Variants in SLC12A5 observed in about 807,000 individuals in gnomAD.
The protein encoded by SLC12A5 is K-Cl cotransporter 2.
Under a neutral mutation model 124.0 loss-of-function variants are expected in SLC12A5, and 18 were observed. That is an observed-to-expected ratio of 0.15 (90% CI 0.10 to 0.22). The LOEUF (loss-of-function observed/expected upper bound fraction) is 0.22, where lower values mean the gene tolerates loss of function less well. Among genes scored for constraint, SLC12A5 ranks in the 10% least tolerant of loss-of-function variants. SLC12A5 has a pLI of 1.00. For synonymous variants in SLC12A5, 589 were observed against 568.0 expected (o/e 1.04, Z -0.53); for missense variants, 867 against 1,478.7 (o/e 0.59, Z 6.78).
At chr20:46,025,027 G>A (rs11086991), upstream of SLC12A5, among the ~76,000 whole-genome samples, 8,542 of 152,242 alleles carry the variant, frequency 0.056, 765 homozygotes, top group African/African-American at 0.19. Context: ...AGACCACAAT[G>A]TAGCCCATCT....
Position 46,041,531 on chromosome 20 carries a change from C to T in SLC12A5, c.1057C>T (p.Leu353Phe). The change falls in exon 8 of 26, where the codon CTC becomes TTC. Residue 353 changes from leucine (L) to phenylalanine (F), a missense_variant. Coordinates refer to ENST00000243964, the MANE Select transcript of SLC12A5 (RefSeq NM_020708.5). ...IQGIPGAASG[L>F]IKENLWSSYL... ...GGGCATCCCTGGTGCTGCCAGTGGC[C>T]TCATCAAAGGTCTGCGGAGGGACAA... 1 of 1,613,830 alleles carries T rather than the reference C, an allele frequency of 6.2e-7. No homozygotes were observed. The highest frequency in any genetic ancestry group is 8.5e-7 in the Non-Finnish European group (1 of 1,179,948).
At chr20:46,024,141 CTGTGTGTGTG>C (rs3222615), downstream of SLC12A5, among the ~76,000 whole-genome samples, 88 of 147,746 alleles carry the variant, frequency 6.0e-4, no homozygotes, top group Non-Finnish European at 1.2e-3. Flanking sequence ...GTGGCAGAGG[CTGTGTGTGTG>C]TGTGTGTGTG....
chr20:46,059,247 A>C lies in SLC12A5; in HGVS notation c.*1642A>C. The C allele has an allele frequency of 3.6e-6, 1 of 274,408 alleles. No individual in the cohort carries two copies. The highest frequency in any genetic ancestry group is 2.2e-5 in the African/African-American group (1 of 46,060). 17.0% of individuals were successfully genotyped at this position (274,408 alleles called of 1,614,324 possible). A position where few individuals can be genotyped will look rare whatever the true frequency, so the allele number is the denominator to read the frequency against. Reference sequence around the variant, plus strand: ...GCACCTCCCAGAGCTGGCGCCACTGAGTAATCCGGACCTCACCACCTCTTT... The same window carrying C: ...GCACCTCCCAGAGCTGGCGCCACTGCGTAATCCGGACCTCACCACCTCTTT... On this transcript the variant is annotated 3_prime_UTR_variant, in exon 26 of 26. Coordinates refer to ENST00000243964, the MANE Select transcript of SLC12A5 (RefSeq NM_020708.5).
In SLC12A5 at chr20:46,053,437, C is replaced by T. The variant is rs1233459588; in HGVS notation, c.2548-141C>T. ...AGGGAAGGTTTTGTAGAGAGTGGCC[C>T]CAAAGACAGAGGATTTGGGGTCTGC... On this transcript the variant is annotated intron_variant, in intron 19 of 25. Transcript: ENST00000243964. The surrounding 1 kb of genome is among the most constrained non-coding windows in gnomAD (Gnocchi z 4.7). The T allele has an allele frequency of 2.5e-6, 3 of 1,215,814 alleles. No individual in the cohort carries two copies. Among genetic ancestry groups the T allele is most frequent in the Non-Finnish European group, 3.5e-6 (3 of 864,446 alleles). 75.3% of individuals were successfully genotyped at this position (1,215,814 alleles called of 1,614,324 possible).
intron 1 of SLC12A5, among the ~76,000 whole-genome samples, chr20:46,033,074 T>G (rs1008252496): frequency 1.3e-5 from 2 of 152,034 alleles, no homozygotes; most frequent in African/African-American, 4.8e-5. Flanking sequence ...GACTGGGTGG[T>G]GGGTTTCTTT....
In SLC12A5 at chr20:46,045,219, G is replaced by A. The variant is rs2084584343; in HGVS notation, c.1569+79G>A. 1.4e-6 allele frequency: 2 copies of A among 1,464,514 alleles called. No homozygotes were observed. The highest frequency in any genetic ancestry group is 1.4e-5 in the African/African-American group (1 of 70,954). 90.7% of individuals were successfully genotyped at this position (1,464,514 alleles called of 1,614,324 possible). ...CAGAGAGACCACACAGTGACCCAGGGCCATAACCAGCCTTAGACTACCTCC... is the reference window on the plus strand; with the variant it reads ...CAGAGAGACCACACAGTGACCCAGGACCATAACCAGCCTTAGACTACCTCC... On this transcript the variant is annotated intron_variant, in intron 12 of 25. Coordinates refer to ENST00000243964, the MANE Select transcript of SLC12A5 (RefSeq NM_020708.5). This position sits in a 1 kb window ranked among gnomAD's most constrained non-coding sequence, Gnocchi z 4.9.
intron 1 of SLC12A5, chr20:46,022,846 C>G: frequency 2.5e-6 from 1 of 399,216 alleles, no homozygotes; most frequent in Non-Finnish European, 4.4e-6. Context: ...TGCACAGTCT[C>G]CCCTCAGGGG....
chr20:46,039,305 A>G (rs945980611), intron 6 of SLC12A5, among the ~76,000 whole-genome samples: 4 of 152,242 alleles, frequency 2.6e-5, no homozygotes, highest in Admixed American at 2.6e-4. Context: ...TTCAGGGAAA[A>G]CTACTGACAA....
At chr20:46,026,375 A>C (rs898963040), upstream of SLC12A5, among the ~76,000 whole-genome samples, 1 of 152,168 alleles carries the variant, frequency 6.6e-6, no homozygotes, top group Non-Finnish European at 1.5e-5. Flanking sequence ...GGGATGCTGT[A>C]CTGGCAGCCA....
intron 4 of SLC12A5, 34 bp downstream of exon 4, chr20:46,035,957 C>G (rs760650879): frequency 6.3e-7 from 1 of 1,586,300 alleles, no homozygotes; most frequent in Non-Finnish European, 8.6e-7. Context: ...CACCCCCTGA[C>G]AGCTGGGGCT....
chr20:46,027,026 A>G (rs1012416836), upstream of SLC12A5, among the ~76,000 whole-genome samples: 27 of 152,356 alleles, frequency 1.8e-4, no homozygotes, highest in African/African-American at 6.5e-4. Context: ...TTCATTCTAC[A>G]GCACTTCTCT....
At chr20:46,040,296 C>T in intron 6 of SLC12A5, 77 bp from the exon 7 acceptor site, 1 of 1,577,430 alleles carries the variant, frequency 6.3e-7, no homozygotes, top group South Asian at 1.2e-5. Context: ...TGATGAGCAT[C>T]TTTTTTCCTA....
Position 46,051,657 on chromosome 20 carries a change from CT to C in SLC12A5, c.2182-14del. Reference sequence around the variant, plus strand: ...AGGGAGGCCTGAGGCTGGTCCTTGTCTTTTCCCCCTCCCCTAGTCTATCAGG... The same window carrying C: ...AGGGAGGCCTGAGGCTGGTCCTTGTCTTTCCCCCTCCCCTAGTCTATCAGG... On this transcript the variant is annotated splice_polypyrimidine_tract_variant and intron_variant, in intron 17 of 25. Transcript: ENST00000243964. The C allele has an allele frequency of 6.3e-7, 1 of 1,597,660 alleles. No homozygotes were observed. The highest frequency in any genetic ancestry group is 8.5e-7 in the Non-Finnish European group (1 of 1,174,312).
rs374934758 is a variant in SLC12A5 at position 46,057,686 on chromosome 20, C to T, written c.*81C>T. The T allele has an allele frequency of 2.5e-5, 27 of 1,064,650 alleles. No individual in the cohort carries two copies. In the East Asian group the frequency reaches 2.6e-4, roughly 10 times the overall value. The allele number at this position is 1,064,650 out of a possible 1,614,324, so 66.0% of individuals were successfully genotyped here. A position where few individuals can be genotyped will look rare whatever the true frequency, so the allele number is the denominator to read the frequency against. ...TCGCCGCGCCCCCCGCCGCTGTCAC[C>T]GTTTACATACAGACCCTGTGCCCGT... On this transcript the variant is annotated 3_prime_UTR_variant, in exon 26 of 26. Transcript: ENST00000243964. This position sits in a 1 kb window ranked among gnomAD's most constrained non-coding sequence, Gnocchi z 7.1.
chr20:46,052,900 G>A (rs1055692419), intron 18 of SLC12A5, 57 bp from the exon 19 acceptor site: 4 of 1,524,162 alleles, frequency 2.6e-6, no homozygotes, highest in Non-Finnish European at 3.5e-6. Context: ...GCTGCTGGGT[G>A]TTGGGAGAAC....
At position 46,045,331 on chromosome 20, in the gene SLC12A5, G is replaced by A. The variant is rs1168845150; in HGVS notation, c.1569+191G>A. 6.6e-6 allele frequency among the ~76,000 whole-genome samples: 1 copy of A among 152,200 alleles called. No individual in the cohort carries two copies. Among genetic ancestry groups the A allele is most frequent in the Non-Finnish European group, 1.5e-5 (1 of 68,018 alleles). ...GACAGGGTGGTGTGGGGTGTCAGGAGTTGGGCAGGGCATTGGGTGGTGCCC... is the reference window on the plus strand; with the variant it reads ...GACAGGGTGGTGTGGGGTGTCAGGAATTGGGCAGGGCATTGGGTGGTGCCC... On this transcript the variant is annotated intron_variant, in intron 12 of 25. Coordinates refer to ENST00000243964, the MANE Select transcript of SLC12A5 (RefSeq NM_020708.5). This position sits in a 1 kb window ranked among gnomAD's most constrained non-coding sequence, Gnocchi z 4.9.
At chr20:46,035,729 G>T in intron 3 of SLC12A5, 48 bp from the exon 4 acceptor site, 2 of 1,578,776 alleles carry the variant, frequency 1.3e-6, no homozygotes, top group Non-Finnish European at 1.7e-6. Flanking sequence ...CACCTGGGGT[G>T]TTCGTAATGA....
chr20:46,051,024 G>C (rs527968417), intron 17 of SLC12A5, among the ~76,000 whole-genome samples: 131 of 152,260 alleles, frequency 8.6e-4, no homozygotes, highest in Middle Eastern at 3.4e-3. Context: ...GATAGGAGTT[G>C]AACTTCTATC....
rs755903894 is a variant in SLC12A5, at chr20:46,053,037, C to T, written c.2458C>T (p.Arg820Cys). 5 of 1,614,164 alleles carry T rather than the reference C, an allele frequency of 3.1e-6. No homozygotes were observed. The highest frequency in any genetic ancestry group is 1.1e-5 in the South Asian group (1 of 91,082). Reference sequence around the variant, plus strand: ...TTCCATGTTTCCTGGGAACCCTGAGCGCTTCTCTGAGGGCAGCATCGACGT... The same window carrying T: ...TTCCATGTTTCCTGGGAACCCTGAGTGCTTCTCTGAGGGCAGCATCGACGT... Reference protein sequence around the residue: ...NVSMFPGNPERFSEGSIDVWW... With the variant: ...NVSMFPGNPECFSEGSIDVWW... The change falls in exon 19 of 26, where the codon CGC (arginine) becomes TGC (cysteine). Residue 820 changes from arginine to cysteine, a missense_variant. By Grantham distance (180) the Arg-to-Cys change is radical. Around this residue, in one of 9 missense-constraint regions of SLC12A5, gnomAD observed 110 missense variants for 149.9 expected, o/e 0.73. Coordinates refer to ENST00000243964, the MANE Select transcript of SLC12A5 (RefSeq NM_020708.5). This position sits in a 1 kb window ranked among gnomAD's most constrained non-coding sequence, Gnocchi z 4.7.
Sources: allele counts gnomAD v4.1 joint callset (sites outside exome capture counted in the v4.1 genomes callset), GRCh38; gene constraint gnomAD v4.1.1; regional missense constraint gnomAD v4.1.1; non-coding constraint Gnocchi (gnomAD v3.1); transcripts MANE v1.5; gene names NCBI Gene and HGNC (gene_info 2026-07-23, HGNC 2026-07-21).